The following GPRASP3 variants were observed in gnomAD, a reference collection of about 807,000 sequenced individuals.
GPRASP3 encodes G protein-coupled receptor associated sorting protein 3.
At chrX:102,749,281 T>G in the GPRASP3 span, 1 of 1,210,616 alleles carries the variant, frequency 8.3e-7, no homozygotes, top group Non-Finnish European at 1.1e-6. Context: ...TGGGAATGAG[T>G]CCACCAGCTC....
chrX:102,740,381 T>C, the GPRASP3 span, among the ~76,000 whole-genome samples: 1 of 111,926 alleles, frequency 8.9e-6, no homozygotes, highest in Non-Finnish European at 1.9e-5. Context: ...AGGGAATTCT[T>C]CCGAATCTTA....
chrX:102,741,377 G>A, the GPRASP3 span, among the ~76,000 whole-genome samples: 1 of 111,903 alleles, frequency 8.9e-6, no homozygotes. Flanking sequence ...TAGGAAGTGA[G>A]CATGCACAGT....
the GPRASP3 span, chrX:102,720,860 C>G: frequency 8.9e-6 from 1 of 112,314 alleles, no homozygotes; most frequent in Non-Finnish European, 1.9e-5. Flanking sequence ...AGCCTGAAAA[C>G]TAATTTCTCA....
chrX:102,742,898 T>C, the GPRASP3 span, among the ~76,000 whole-genome samples: 1 of 111,916 alleles, frequency 8.9e-6, no homozygotes, highest in Non-Finnish European at 1.9e-5. Flanking sequence ...GGGCACAGCT[T>C]GGTTTTGTAA....
the GPRASP3 span, among the ~76,000 whole-genome samples, chrX:102,722,740 A>G: frequency 8.9e-6 from 1 of 111,779 alleles, no homozygotes; most frequent in Admixed American, 9.5e-5. Flanking sequence ...GTAACAAAAG[A>G]TGCTTCCGTT....
chrX:102,749,138 C>T, the GPRASP3 span: 5 of 1,212,168 alleles, frequency 4.1e-6, no homozygotes, highest in Non-Finnish European at 5.6e-6. Context: ...AAAGCCAAGA[C>T]AGGGTCTAAG....
the GPRASP3 span, chrX:102,749,145 T>G: frequency 2.5e-6 from 3 of 1,212,232 alleles, no homozygotes; most frequent in Non-Finnish European, 3.3e-6. Flanking sequence ...AGACAGGGTC[T>G]AAGACAGATG....
At chrX:102,725,420 T>C in the GPRASP3 span, among the ~76,000 whole-genome samples, 1 of 112,411 alleles carries the variant, frequency 8.9e-6, no homozygotes, top group East Asian at 2.8e-4. Flanking sequence ...CAGGGCCTTT[T>C]TGAAGTCTGA....
the GPRASP3 span, among the ~76,000 whole-genome samples, chrX:102,743,817 C>G: frequency 9.1e-6 from 1 of 109,625 alleles, no homozygotes; most frequent in Middle Eastern, 4.3e-3. Context: ...GATGGGGCCT[C>G]AGGAGCAGTT....
the GPRASP3 span, among the ~76,000 whole-genome samples, chrX:102,729,662 G>C: frequency 8.9e-6 from 1 of 112,036 alleles, no homozygotes; most frequent in Non-Finnish European, 1.9e-5. Flanking sequence ...CTGAGGTCAG[G>C]AGTTCAAGAT....
chrX:102,750,698 C>T, the GPRASP3 span: 5 of 950,983 alleles, frequency 5.3e-6, no homozygotes, highest in Non-Finnish European at 7.2e-6. Context: ...CTGTACATTA[C>T]AGTGTACACA....
the GPRASP3 span, among the ~76,000 whole-genome samples, chrX:102,739,238 G>C: frequency 8.1e-5 from 9 of 111,078 alleles, no homozygotes; most frequent in African/African-American, 2.9e-4. Context: ...TGTCTCCATG[G>C]CCTTATAGTG....
chrX:102,729,349 C>T, the GPRASP3 span, among the ~76,000 whole-genome samples: 46 of 111,708 alleles, frequency 4.1e-4, no homozygotes, highest in Non-Finnish European at 8.1e-4. Context: ...GAGAGAAAGG[C>T]GCTAAAATAA....
chrX:102,738,569 G>T, the GPRASP3 span, among the ~76,000 whole-genome samples: 1 of 110,590 alleles, frequency 9.0e-6, no homozygotes, highest in Non-Finnish European at 1.9e-5. Context: ...TGTATCCATG[G>T]TCCCATCTCA....
the GPRASP3 span, chrX:102,752,948 A>G: frequency 2.6e-5 from 3 of 116,177 alleles, no homozygotes; most frequent in Non-Finnish European, 5.8e-5. Flanking sequence ...TTTTTTTTTT[A>G]TTTTTTGTAT....
the GPRASP3 span, chrX:102,750,778 G>T: frequency 6.9e-6 from 3 of 432,391 alleles, no homozygotes; most frequent in Non-Finnish European, 1.1e-5. Flanking sequence ...TATTTTGGGG[G>T]TATCAAATGA....
the GPRASP3 span, among the ~76,000 whole-genome samples, chrX:102,744,952 T>C: frequency 9.0e-6 from 1 of 111,525 alleles, no homozygotes. Context: ...ACTTCCAGTC[T>C]AACAAGTCAA....
At chrX:102,751,912 G>A in the GPRASP3 span, 1 of 117,148 alleles carries the variant, frequency 8.5e-6, no homozygotes, top group Non-Finnish European at 1.9e-5. Context: ...AATTTAAAAG[G>A]TAATTGCTTT....
At chrX:102,746,442 A>T in the GPRASP3 span, among the ~76,000 whole-genome samples, 1 of 112,465 alleles carries the variant, frequency 8.9e-6, no homozygotes, top group Non-Finnish European at 1.9e-5. Flanking sequence ...CCAGCTTTGC[A>T]GGCGCCGGCG....
Sources: gnomAD v4.1 joint callset for allele counts (sites outside exome capture counted in the v4.1 genomes callset) on GRCh38, gnomAD v4.1.1 for gene constraint, MANE v1.5 for transcripts, NCBI Gene and HGNC (gene_info 2026-07-23, HGNC 2026-07-21) for gene names.